Variants in ZNF532 observed in about 807,000 individuals in gnomAD.
The protein encoded by ZNF532 is zinc finger protein 532.
ZNF532 carries 22 observed loss-of-function variants against 89.3 expected under a neutral mutation model. The observed-to-expected ratio is 0.25, with a 90% CI of 0.18 to 0.35. The LOEUF is 0.35. Among genes scored for constraint, ZNF532 ranks in the 10% least tolerant of loss-of-function variants. The pLI is 1.00. For synonymous variants in ZNF532, 606 were observed against 649.6 expected (o/e 0.93, Z 1.02); for missense variants, 1,132 against 1,643.4 (o/e 0.69, Z 5.38).
intron 2 of ZNF532, among the ~76,000 whole-genome samples, chr18:58,868,437 G>C (rs1433922570): frequency 2.6e-5 from 4 of 152,218 alleles, no homozygotes; most frequent in Non-Finnish European, 4.4e-5. Flanking sequence ...AAGCAGAACA[G>C]GCCCATCACA....
intron 3 of ZNF532, among the ~76,000 whole-genome samples, chr18:58,923,067 G>A (rs1603132335): frequency 6.6e-6 from 1 of 152,006 alleles, no homozygotes; most frequent in African/African-American, 2.4e-5. Context: ...CGTTTGACGC[G>A]GAATCCCAAG....
intron 2 of ZNF532, among the ~76,000 whole-genome samples, chr18:58,885,327 C>T (rs1053184415): frequency 1.3e-5 from 2 of 151,990 alleles, no homozygotes; most frequent in African/African-American, 4.8e-5. Flanking sequence ...GTTAAAAGAA[C>T]GTATAGCCAG....
chr18:58,980,267 C>T (rs1426907229), intron 8 of ZNF532: 1 of 152,184 alleles, frequency 6.6e-6, no homozygotes, highest in Non-Finnish European at 1.5e-5. Flanking sequence ...TCAAAAGAAT[C>T]AGAATTTAGA....
rs1452471378 is a variant in ZNF532 at position 58,934,549 on chromosome 18, G to A, written c.2463G>A (p.Arg821=). 9 of 1,614,182 alleles carry A rather than the reference G, an allele frequency of 5.6e-6. No individual in the cohort carries two copies. The highest frequency in any genetic ancestry group is 7.6e-6 in the Non-Finnish European group (9 of 1,180,020). The change falls in exon 4 of 10, where the codon AGG becomes AGA. Residue 821 remains arginine, a synonymous_variant. Transcript: ENST00000591808. ...GCCCTGAGTGTGGGGCCATCTGCAG[G>A]TCGGTGCACTTCCAGACCCACGTCA... The part of the protein sequence containing the change: ...YTCPECGAIC[R]SVHFQTHVTK...
At chr18:58,975,984 C>T (rs1461470476) in intron 7 of ZNF532, among the ~76,000 whole-genome samples, 1 of 152,108 alleles carries the variant, frequency 6.6e-6, no homozygotes, top group Non-Finnish European at 1.5e-5. Context: ...TGCTGTTTTC[C>T]CATTTTTTAA....
At chr18:58,973,075 T>TTGG (rs1306355565) in intron 7 of ZNF532, among the ~76,000 whole-genome samples, 2 of 152,158 alleles carry the variant, frequency 1.3e-5, no homozygotes, top group Non-Finnish European at 2.9e-5. Context: ...TTACTGTAAG[T>TTGG]TGGTGTTTTA....
chr18:58,972,507 C>T (rs879724204), intron 7 of ZNF532, among the ~76,000 whole-genome samples: 3 of 152,148 alleles, frequency 2.0e-5, no homozygotes, highest in East Asian at 1.9e-4. Flanking sequence ...ATGTACCATA[C>T]GTGCTTCATT....
At chr18:58,928,048 C>CT (rs1220332237) in intron 3 of ZNF532, among the ~76,000 whole-genome samples, 1 of 152,204 alleles carries the variant, frequency 6.6e-6, no homozygotes, top group African/African-American at 2.4e-5. Flanking sequence ...TCACTATCCC[C>CT]TTTTTTATCT....
At chr18:58,870,621 T>G (rs1458136973) in intron 2 of ZNF532, among the ~76,000 whole-genome samples, 5 of 151,240 alleles carry the variant, frequency 3.3e-5, no homozygotes, top group African/African-American at 1.2e-4. Flanking sequence ...CCCATGGAGG[T>G]TGGAATAGAG....
intron 2 of ZNF532, among the ~76,000 whole-genome samples, chr18:58,885,215 C>T (rs1396825149): frequency 1.3e-5 from 2 of 152,106 alleles, no homozygotes; most frequent in Non-Finnish European, 2.9e-5. Flanking sequence ...TCTCGAACTC[C>T]CGACCTCAGG....
At chr18:58,918,032 G>A (rs971723006) in intron 2 of ZNF532, among the ~76,000 whole-genome samples, 2 of 152,170 alleles carry the variant, frequency 1.3e-5, no homozygotes, top group Admixed American at 6.5e-5. Context: ...TGGGAGCCAC[G>A]CTGGTAACAC....
chr18:58,981,769 C>A (rs773206500), intron 9 of ZNF532, 152 bp downstream of exon 9: 1 of 948,144 alleles, frequency 1.1e-6, no homozygotes, highest in Non-Finnish European at 1.6e-6. Flanking sequence ...CTTTGGGAGG[C>A]CGAGGCGGGT....
At position 58,981,518 on chromosome 18, in the gene ZNF532, G is replaced by A; in HGVS notation, c.3312G>A (p.Glu1104=). The change falls in exon 9 of 10, where the codon GAG becomes GAA. Residue 1104 remains glutamate, a synonymous_variant. Coordinates refer to ENST00000591808, the MANE Select transcript of ZNF532 (RefSeq NM_001375912.1). ...CCTTTACCAAACGTTTGATGCTGGA[G>A]AAGCACGTCCAGCTGATGCATGGCA... is the stretch of plus-strand genomic sequence containing the variant. ...RRTFTKRLML[E]KHVQLMHGIK... is the part of the protein sequence containing the mutation. The A allele has an allele frequency of 1.2e-6, 2 of 1,614,008 alleles. No individual in the cohort carries two copies. Among genetic ancestry groups the A allele is most frequent in the Non-Finnish European group, 1.7e-6 (2 of 1,180,006 alleles).
chr18:58,897,878 A>G (rs559920883), intron 2 of ZNF532, among the ~76,000 whole-genome samples: 3 of 152,316 alleles, frequency 2.0e-5, no homozygotes, highest in African/African-American at 7.2e-5. Flanking sequence ...GCTTGAATTC[A>G]GAGGCGGAGG....
intron 2 of ZNF532, among the ~76,000 whole-genome samples, chr18:58,894,183 G>A (rs188138014): frequency 6.0e-4 from 91 of 152,092 alleles, no homozygotes; most frequent in South Asian, 5.0e-3. Flanking sequence ...TAGACTTTCC[G>A]GCCGGGCGTG....
intron 2 of ZNF532, among the ~76,000 whole-genome samples, chr18:58,911,392 G>A (rs1413557867): frequency 6.6e-6 from 1 of 152,208 alleles, no homozygotes; most frequent in African/African-American, 2.4e-5. Flanking sequence ...AAAGAAAAGG[G>A]GGGATGGAGT....
At chr18:58,888,888 ATT>A (rs60573111) in intron 2 of ZNF532, among the ~76,000 whole-genome samples, 1,643 of 45,336 alleles carry the variant, frequency 0.036, 146 homozygotes, top group South Asian at 0.053. Flanking sequence ...ATATATATAT[ATT>A]TTATATATAT....
intron 2 of ZNF532, among the ~76,000 whole-genome samples, chr18:58,890,489 T>A (rs2058809906): frequency 6.6e-6 from 1 of 151,976 alleles, no homozygotes; most frequent in African/African-American, 2.4e-5. Context: ...TTCTTTTTTT[T>A]AAACCTTAAA....
chr18:58,905,617 C>G (rs1013020523), intron 2 of ZNF532, among the ~76,000 whole-genome samples: 1 of 152,110 alleles, frequency 6.6e-6, no homozygotes, highest in Non-Finnish European at 1.5e-5. Flanking sequence ...CCAGGCTGGT[C>G]TCAAACTTGT....
Sources: gnomAD v4.1 joint callset for allele counts (sites outside exome capture counted in the v4.1 genomes callset) on GRCh38, gnomAD v4.1.1 for gene constraint, MANE v1.5 for transcripts, NCBI Gene and HGNC (gene_info 2026-07-23, HGNC 2026-07-21) for gene names.